ADISSP: variants seen among roughly 807,000 people sequenced by gnomAD.
ADISSP encodes adipose secreted signaling protein.
the ADISSP span, among the ~76,000 whole-genome samples, chr20:3,765,298 G>A: frequency 1.3e-5 from 2 of 152,092 alleles, no homozygotes; most frequent in Non-Finnish European, 2.9e-5. Flanking sequence ...ACAACCCCAA[G>A]CCTGGCCCTG....
the ADISSP span, among the ~76,000 whole-genome samples, chr20:3,754,952 G>A: frequency 6.6e-6 from 1 of 152,208 alleles, no homozygotes; most frequent in Non-Finnish European, 1.5e-5. Context: ...GCAAGGTCAT[G>A]AAGAGGCTGG....
the ADISSP span, chr20:3,754,079 G>A: frequency 6.2e-6 from 10 of 1,612,910 alleles, no homozygotes; most frequent in African/African-American, 2.7e-5. Context: ...CGTGCCAGTC[G>A]CTGTGCTCTG....
At chr20:3,765,329 C>T in the ADISSP span, among the ~76,000 whole-genome samples, 5,211 of 152,290 alleles carry the variant, frequency 0.034, 318 homozygotes, top group African/African-American at 0.12. Flanking sequence ...CCTCCTGTGC[C>T]AACCAAGGCC....
chr20:3,759,505 C>G, the ADISSP span, among the ~76,000 whole-genome samples: 2 of 152,096 alleles, frequency 1.3e-5, no homozygotes, highest in South Asian at 2.1e-4. This position sits in a 1 kb window ranked among gnomAD's most constrained non-coding sequence, Gnocchi z 4.6. Context: ...TCTCTGACCC[C>G]TGGCCCCTAG....
At chr20:3,756,764 T>G in the ADISSP span, among the ~76,000 whole-genome samples, 1 of 152,198 alleles carries the variant, frequency 6.6e-6, no homozygotes, top group Non-Finnish European at 1.5e-5. Flanking sequence ...AGAAAAATAC[T>G]CTTCGCTGCC....
chr20:3,760,873 C>T, the ADISSP span, among the ~76,000 whole-genome samples: 8 of 152,082 alleles, frequency 5.3e-5, no homozygotes, highest in African/African-American at 9.7e-5. Flanking sequence ...TCCAATGGGC[C>T]GAGCTGGGAC....
At chr20:3,763,614 T>A in the ADISSP span, among the ~76,000 whole-genome samples, 1 of 151,334 alleles carries the variant, frequency 6.6e-6, no homozygotes, top group East Asian at 1.9e-4. Flanking sequence ...GGCCTGGATA[T>A]GAGGTAACAC....
the ADISSP span, chr20:3,753,698 C>T: frequency 6.1e-6 from 2 of 330,094 alleles, no homozygotes; most frequent in South Asian, 3.3e-5. Flanking sequence ...GGCCACGACG[C>T]CACAGAGCCA....
chr20:3,755,236 G>A, the ADISSP span, among the ~76,000 whole-genome samples: 1,483 of 152,226 alleles, frequency 9.7e-3, 19 homozygotes, highest in African/African-American at 0.033. Flanking sequence ...CCCCACGGAG[G>A]TAACCATCAC....
the ADISSP span, chr20:3,754,217 A>T: frequency 6.5e-7 from 1 of 1,536,562 alleles, no homozygotes; most frequent in Middle Eastern, 1.8e-4. Flanking sequence ...CATGCGGCCC[A>T]CTAAGGGGAC....
the ADISSP span, chr20:3,759,890 G>T: frequency 1.1e-6 from 1 of 902,396 alleles, no homozygotes; most frequent in Non-Finnish European, 1.8e-6. This position sits in a 1 kb window ranked among gnomAD's most constrained non-coding sequence, Gnocchi z 4.6. Flanking sequence ...TCCTGCTAGG[G>T]CTTGCGTGAG....
the ADISSP span, among the ~76,000 whole-genome samples, chr20:3,754,897 C>T: frequency 1.3e-5 from 2 of 152,104 alleles, no homozygotes; most frequent in Admixed American, 6.5e-5. Context: ...TGAGCAGATC[C>T]GATGGCAAGA....
At chr20:3,757,344 C>T in the ADISSP span, among the ~76,000 whole-genome samples, 4 of 151,410 alleles carry the variant, frequency 2.6e-5, no homozygotes, top group Non-Finnish European at 4.4e-5. Flanking sequence ...AAGACTCCGT[C>T]TCAAAAAGAA....
At chr20:3,768,144 C>A in the ADISSP span, 1 of 152,350 alleles carries the variant, frequency 6.6e-6, no homozygotes, top group African/African-American at 2.4e-5. Flanking sequence ...TCGGGCGCGT[C>A]TCGGGGCTGG....
the ADISSP span, among the ~76,000 whole-genome samples, chr20:3,756,750 G>T: frequency 8.4e-3 from 1,281 of 152,256 alleles, 16 homozygotes; most frequent in African/African-American, 0.029. Context: ...AAATAGAGAT[G>T]TGCAGAAAAA....
At chr20:3,761,310 C>T in the ADISSP span, among the ~76,000 whole-genome samples, 1 of 151,562 alleles carries the variant, frequency 6.6e-6, no homozygotes, top group Non-Finnish European at 1.5e-5. Context: ...CCAAGCGTCA[C>T]TGACAGAGGA....
At chr20:3,757,544 C>G in the ADISSP span, among the ~76,000 whole-genome samples, 3 of 152,160 alleles carry the variant, frequency 2.0e-5, no homozygotes, top group Non-Finnish European at 4.4e-5. Flanking sequence ...TCCATTTACT[C>G]TCTTGGGGAA....
chr20:3,761,058 G>A, the ADISSP span, among the ~76,000 whole-genome samples: 1 of 152,344 alleles, frequency 6.6e-6, no homozygotes, highest in Non-Finnish European at 1.5e-5. Context: ...TCTTTACTCT[G>A]AAAGCTGAGG....
chr20:3,759,398 C>G, the ADISSP span, among the ~76,000 whole-genome samples: 1 of 152,206 alleles, frequency 6.6e-6, no homozygotes. The surrounding 1 kb of genome is among the most constrained non-coding windows in gnomAD (Gnocchi z 4.6). Flanking sequence ...CCAGAAAGGG[C>G]AGACGGATGA....
Sources: gnomAD v4.1 joint callset for allele counts (sites outside exome capture counted in the v4.1 genomes callset) on GRCh38, gnomAD v4.1.1 for gene constraint, Gnocchi (gnomAD v3.1) non-coding constraint, MANE v1.5 for transcripts, NCBI Gene and HGNC (gene_info 2026-07-23, HGNC 2026-07-21) for gene names.